The following DMD variants were observed in gnomAD, a reference collection of about 807,000 sequenced individuals.
DMD encodes the protein dystrophin.
DMD carries 63 observed loss-of-function variants against 330.1 expected under a neutral mutation model. The observed-to-expected ratio is 0.19, with a 90% confidence interval of 0.16 to 0.24. The LOEUF (loss-of-function observed/expected upper bound fraction) is 0.24, where lower values mean the gene tolerates loss of function less well. Ranked by LOEUF, DMD falls within the 10% of genes least tolerant of loss-of-function variation. DMD has a pLI of 1.00. For missense variants in DMD, 3,344 were observed against 2,684.1 expected (o/e 1.25, Z -5.43); for synonymous variants, 1,223 against 959.8 (o/e 1.27, Z -5.07).
rs191883971 is a variant in DMD at position 33,217,769 on chromosome X, T to C, written c.7+121490A>G. On this transcript the variant is annotated intron_variant, in intron 1 of 17. Transcript: ENST00000288447. Reference sequence around the variant, plus strand: ...AAACTTCATATTCATTGATTAGCAATTGACTTTTATAAGTTGATCTTGTAT... The same window carrying C: ...AAACTTCATATTCATTGATTAGCAACTGACTTTTATAAGTTGATCTTGTAT... Among the ~76,000 whole-genome samples, 12 of 111,749 alleles carry C rather than the reference T, an allele frequency of 1.1e-4. No individual in the cohort carries two copies. In the Admixed American group the frequency reaches 1.1e-3, roughly 11 times the overall value.
At chrX:32,870,230 G>T (rs1024345857) in intron 2 of DMD, among the ~76,000 whole-genome samples, 1 of 111,274 alleles carries the variant, frequency 9.0e-6, no homozygotes, top group African/African-American at 3.3e-5. Flanking sequence ...CAGCTAACAG[G>T]CTAAGTGCAC....
chrX:31,928,176 A>AT (rs2094805337), intron 47 of DMD, among the ~76,000 whole-genome samples: 2 of 112,069 alleles, frequency 1.8e-5, no homozygotes, highest in Non-Finnish European at 3.8e-5. Flanking sequence ...GCAAATATAT[A>AT]ATTCCAATTA....
At chrX:31,326,176 C>T (rs4413935) in intron 61 of DMD, among the ~76,000 whole-genome samples, 46,498 of 109,168 alleles carry the variant, frequency 0.43, 8,238 homozygotes, top group African/African-American at 0.67. Flanking sequence ...GGAAAATTGG[C>T]GTTGCCTGGC....
intron 9 of DMD, among the ~76,000 whole-genome samples, chrX:32,667,767 G>GTTTTTTTTTTTTT (rs201162726): frequency 1.2e-5 from 1 of 81,703 alleles, no homozygotes; most frequent in African/African-American, 5.0e-5. Flanking sequence ...CTGCTTTTGT[G>GTTTTTTTTTTTTT]TTTTTTTTTT....
chrX:31,471,444 C>A (rs1212601834), intron 59 of DMD, among the ~76,000 whole-genome samples: 3 of 111,680 alleles, frequency 2.7e-5, no homozygotes, highest in Non-Finnish European at 5.7e-5. Context: ...GAGGCGACAT[C>A]CCACCGTGCT....
chrX:33,269,917 G>A (rs1054447608), intron 1 of DMD, among the ~76,000 whole-genome samples: 1 of 109,290 alleles, frequency 9.1e-6, no homozygotes, highest in Non-Finnish European at 1.9e-5. Context: ...TAATATATAC[G>A]TAAAATAAAA....
At chrX:32,942,056 T>G (rs1343828796) in intron 2 of DMD, among the ~76,000 whole-genome samples, 2 of 111,401 alleles carry the variant, frequency 1.8e-5, no homozygotes, top group East Asian at 5.7e-4. Context: ...GTGTGGGTGT[T>G]TCCAGAGACG....
At chrX:32,113,963 T>C (rs868143326) in intron 44 of DMD, among the ~76,000 whole-genome samples, 2 of 109,438 alleles carry the variant, frequency 1.8e-5, no homozygotes, top group East Asian at 5.6e-4. Context: ...TTGTTTTTTT[T>C]CTGAGAATGT....
intron 2 of DMD, among the ~76,000 whole-genome samples, chrX:33,008,732 A>C (rs1002973700): frequency 1.3e-3 from 126 of 100,281 alleles, no homozygotes; most frequent in Non-Finnish European, 1.9e-3. Flanking sequence ...GGATTGTTAA[A>C]AATATATATA....
intron 7 of DMD, among the ~76,000 whole-genome samples, chrX:32,808,579 A>G (rs1569526283): frequency 9.3e-6 from 1 of 107,520 alleles, no homozygotes; most frequent in Middle Eastern, 4.2e-3. Flanking sequence ...CTTCTGGGTC[A>G]TTTTTGAGTT....
chrX:32,088,551 T>G (rs1185981683), intron 44 of DMD, among the ~76,000 whole-genome samples: 2 of 104,113 alleles, frequency 1.9e-5, no homozygotes, highest in Non-Finnish European at 4.0e-5. Context: ...ATAAGCTAAA[T>G]AAGTGGGCTT....
chrX:32,898,761 T>TCCG (rs2085958843), intron 2 of DMD, among the ~76,000 whole-genome samples: 5 of 111,462 alleles, frequency 4.5e-5, no homozygotes, highest in Admixed American at 2.9e-4. Flanking sequence ...TCTGCTGGTT[T>TCCG]CTGCTGTTTT....
intron 63 of DMD, among the ~76,000 whole-genome samples, chrX:31,259,248 C>T (rs944290575): frequency 9.0e-6 from 1 of 111,635 alleles, no homozygotes; most frequent in Non-Finnish European, 1.9e-5. Flanking sequence ...TCTGTGTAAA[C>T]CACAGGTTAC....
intron 1 of DMD, among the ~76,000 whole-genome samples, chrX:33,054,400 A>G (rs1488882958): frequency 8.9e-6 from 1 of 112,100 alleles, no homozygotes; most frequent in African/African-American, 3.2e-5. Flanking sequence ...CACTGATCAC[A>G]ATAGACTTTG....
At chrX:33,092,856 T>TTTTA (rs1222712402) in intron 1 of DMD, among the ~76,000 whole-genome samples, 1 of 110,578 alleles carries the variant, frequency 9.0e-6, no homozygotes, top group Non-Finnish European at 1.9e-5. Context: ...TAATTTTCTT[T>TTTTA]TTTATTTATT....
intron 13 of DMD, among the ~76,000 whole-genome samples, chrX:32,574,830 C>A (rs773276975): frequency 9.0e-6 from 1 of 110,774 alleles, no homozygotes; most frequent in East Asian, 2.8e-4. Flanking sequence ...TGTATTAACC[C>A]ACCTAGAGGA....
At chrX:33,041,598 GCGCAGGTTGGAAGC>G (rs2094303031) in intron 1 of DMD, 1 of 1,209,526 alleles carries the variant, frequency 8.3e-7, no homozygotes, top group Admixed American at 2.2e-5. Flanking sequence ...CAGATTGCCA[GCGCAGGTTGGAAGC>G]CGCATATTTG....
At chrX:33,240,233 C>CGG (rs1174234706) in intron 1 of DMD, among the ~76,000 whole-genome samples, 1 of 111,692 alleles carries the variant, frequency 9.0e-6, no homozygotes, top group East Asian at 2.8e-4. Flanking sequence ...TCTCTCTTAA[C>CGG]TACCTCACCT....
intron 1 of DMD, among the ~76,000 whole-genome samples, chrX:33,308,771 G>C (rs1337666417): frequency 2.7e-5 from 3 of 111,554 alleles, no homozygotes; most frequent in Non-Finnish European, 5.6e-5. Flanking sequence ...TTCAACATAT[G>C]TTAATTTTGG....
Sources: allele counts gnomAD v4.1 joint callset (sites outside exome capture counted in the v4.1 genomes callset), GRCh38; gene constraint gnomAD v4.1.1; transcripts MANE v1.5; gene names NCBI Gene and HGNC (gene_info 2026-07-23, HGNC 2026-07-21).